The following LTN1 variants were observed in gnomAD, a reference collection of about 807,000 sequenced individuals.
The protein encoded by LTN1 is E3 ubiquitin-protein ligase listerin.
LTN1 carries 88 observed loss-of-function variants against 201.2 expected under a neutral mutation model. The ratio of observed to expected loss-of-function variants is 0.44; its 90% CI spans 0.37 to 0.52. The LOEUF (loss-of-function observed/expected upper bound fraction) is 0.52, where lower values mean the gene tolerates loss of function less well. Ranked by LOEUF, LTN1 falls within the 20% of genes least tolerant of loss-of-function variation. LTN1 has a pLI of 0.00. For synonymous variants in LTN1, 645 were observed against 713.5 expected, an observed-to-expected ratio of 0.90 and a Z score of 1.53; for missense variants, 1,752 against 2,038.7, an observed-to-expected ratio of 0.86 and a Z score of 2.71.
intron 4 of LTN1, among the ~76,000 whole-genome samples, chr21:28,982,828 A>G (rs1019782388): frequency 9.8e-5 from 15 of 152,386 alleles, no homozygotes; most frequent in Middle Eastern, 3.4e-3. Flanking sequence ...CCACTGTTCC[A>G]GTAACTGCTT....
chr21:28,971,102 T>C (rs965800240), intron 7 of LTN1, among the ~76,000 whole-genome samples, 169 bp downstream of exon 7: 13 of 152,220 alleles, frequency 8.5e-5, no homozygotes, highest in African/African-American at 3.1e-4. Context: ...GAATAATTAA[T>C]ACTGGCAAAA....
In LTN1 at chr21:28,930,774, G is replaced by A. The variant is rs993372778; in HGVS notation, c.5239-264C>T. Reference sequence around the variant, plus strand: ...TCTCCTGTGAAACAAATGAACAAATGGCAACTTCTTTTTCAGTATGTTTAA... The same window carrying A: ...TCTCCTGTGAAACAAATGAACAAATAGCAACTTCTTTTTCAGTATGTTTAA... On this transcript the variant is annotated intron_variant, in intron 29 of 29. Transcript: ENST00000361371. Among the ~76,000 whole-genome samples the A allele has an allele frequency of 3.9e-5, 6 of 152,112 alleles. No homozygotes were observed. In the South Asian group the frequency reaches 1.0e-3, roughly 26 times the overall value.
chr21:28,950,527 T>C (rs182907859), intron 18 of LTN1, among the ~76,000 whole-genome samples: 11 of 152,318 alleles, frequency 7.2e-5, no homozygotes, highest in African/African-American at 2.6e-4. Flanking sequence ...ATTTTTTGTC[T>C]TGTTTTGAGA....
At chr21:28,964,886 G>A in intron 11 of LTN1, 2 of 1,340,112 alleles carry the variant, frequency 1.5e-6, no homozygotes, top group Non-Finnish European at 1.9e-6. Flanking sequence ...TTGGCTACAG[G>A]GAGAGAAGGC....
rs185469355 is a variant in LTN1, at chr21:28,964,355, A to G, written c.2163+1510T>C. On this transcript the variant is annotated intron_variant, in intron 11 of 29. Coordinates refer to ENST00000361371, the MANE Select transcript of LTN1 (RefSeq NM_015565.3). ...CAGCAGCCATGAACATTGAGGCAAG[A>G]CTCTCCATCAGCAAAATGATTACAA... Among the ~76,000 whole-genome samples the G allele has an allele frequency of 5.3e-5, 8 of 152,294 alleles. No homozygotes were observed. In the East Asian group the frequency reaches 1.5e-3, roughly 29 times the overall value.
chr21:28,983,280 C>T (rs2084672722), intron 4 of LTN1, among the ~76,000 whole-genome samples: 2 of 152,278 alleles, frequency 1.3e-5, no homozygotes, highest in South Asian at 4.1e-4. Flanking sequence ...AAGCCAAGAA[C>T]AAATTTATTT....
At chr21:28,937,311 T>G (rs2084264446) in intron 25 of LTN1, among the ~76,000 whole-genome samples, 1 of 152,216 alleles carries the variant, frequency 6.6e-6, no homozygotes, top group Admixed American at 6.5e-5. Context: ...GTATCTGTAT[T>G]GGTTTTAAGA....
Position 28,948,667 on chromosome 21 carries a change from T to A in LTN1, c.3345-1061A>T, listed in dbSNP as rs560424390. On this transcript the variant is annotated intron_variant, in intron 18 of 29. Transcript: ENST00000361371. Reference sequence around the variant, plus strand: ...TGTTCTATCATTTACCACTTACATATACTTTCTGTCAGAACATATAAATTA... The same window carrying A: ...TGTTCTATCATTTACCACTTACATAAACTTTCTGTCAGAACATATAAATTA... Among the ~76,000 whole-genome samples, 10 of 152,300 alleles carry A rather than the reference T, an allele frequency of 6.6e-5. No homozygotes were observed. The South Asian group carries it at 2.1e-3, about 32-fold the overall frequency.
At chr21:28,932,160 C>T (rs2084215785) in intron 28 of LTN1, among the ~76,000 whole-genome samples, 1 of 152,188 alleles carries the variant, frequency 6.6e-6, no homozygotes, top group Non-Finnish European at 1.5e-5. Context: ...GTGAAAGTAG[C>T]TCAGAAGGCA....
rs150599543 is a variant in LTN1, at chr21:28,936,281, TAC to T, written c.4654+243_4654+244del. ...TGTTATCACGTAAGAAATATTTGTT[TAC>T]AGAGTCAAAAGTTAATAGTCTCACC... is the stretch of plus-strand genomic sequence containing the variant. On this transcript the variant is annotated intron_variant, in intron 26 of 29. Transcript: ENST00000361371. Among the ~76,000 whole-genome samples the T allele has an allele frequency of 9.9e-4, 151 of 152,358 alleles. 3 individuals carry two copies. The East Asian group carries it at 0.025, about 26-fold the overall frequency.
rs2146258755 is a variant in LTN1, at chr21:28,936,642, A to T, written c.4538T>A (p.Leu1513His). The T allele has an allele frequency of 1.2e-6, 2 of 1,613,872 alleles. No homozygotes were observed. Among genetic ancestry groups the T allele is most frequent in the Middle Eastern group, 1.7e-4 (1 of 6,060 alleles). Residue 1513 changes from leucine to histidine, a missense_variant, in exon 26 of 30, where the codon CTC becomes CAC. Coordinates refer to ENST00000361371, the MANE Select transcript of LTN1 (RefSeq NM_015565.3). ...LRKTKSLNKLLYHLFRLMPEN... is the reference protein window; with the variant it reads ...LRKTKSLNKLHYHLFRLMPEN... ...TGGCATAAGCCTGAACAGGTGATAG[A>T]GCAATTTATTCAAACTCTTTGTTTT...
chr21:28,952,308 A>T, intron 17 of LTN1, 44 bp from the exon 18 acceptor site: 1 of 1,202,394 alleles, frequency 8.3e-7, no homozygotes, highest in Non-Finnish European at 1.2e-6. Context: ...TTGAAAGCAT[A>T]CTGAATAAAA....
intron 25 of LTN1, among the ~76,000 whole-genome samples, chr21:28,938,712 T>C (rs910938153): frequency 1.3e-5 from 2 of 152,152 alleles, no homozygotes; most frequent in African/African-American, 4.8e-5. Flanking sequence ...CAAAATGTGA[T>C]AGATCTACAA....
intron 6 of LTN1, among the ~76,000 whole-genome samples, chr21:28,977,979 A>T (rs2084629755): frequency 6.6e-6 from 1 of 151,676 alleles, no homozygotes; most frequent in South Asian, 2.1e-4. Context: ...GCACTGGTAT[A>T]ACAAGAAACA....
At chr21:28,981,394 C>T (rs1043462218) in intron 5 of LTN1, 95 bp from the exon 6 acceptor site, 27 of 661,592 alleles carry the variant, frequency 4.1e-5, no homozygotes, top group Non-Finnish European at 5.6e-5. Flanking sequence ...CATTAAATAT[C>T]TACCAAAGTT....
chr21:28,951,674 T>G (rs2084383750), intron 18 of LTN1, among the ~76,000 whole-genome samples: 1 of 152,074 alleles, frequency 6.6e-6, no homozygotes, highest in African/African-American at 2.4e-5. Context: ...ACTATTTACT[T>G]TAAAAAAAAG....
chr21:28,953,293 G>T lies in LTN1; in HGVS notation c.3163C>A (p.Gln1055Lys), dbSNP rs139261302. Residue 1055 changes from glutamine (Q) to lysine (K), a missense_variant, in exon 17 of 30, where the codon CAA becomes AAA. This residue lies in a region of LTN1 where 1,211 missense variants were observed against 1,312.8 expected (regional missense o/e 0.92). Transcript: ENST00000361371. ...TTATCATACGTAATATTCATTTTTT[G>T]AAGTATTTCACAAAATCCAATTAGA... is the stretch of plus-strand genomic sequence containing the variant. ...IFLIGFCEIL[Q>K]KMNITYDNLR... 1.3e-4 allele frequency: 217 copies of T among 1,607,496 alleles called. 1 individual carries two copies. The highest frequency in any genetic ancestry group is 1.8e-4 in the Non-Finnish European group (207 of 1,177,952).
intron 9 of LTN1, chr21:28,967,510 G>A (rs1263293462): frequency 1.0e-5 from 2 of 197,440 alleles, no homozygotes; most frequent in African/African-American, 4.7e-5. Flanking sequence ...CAGCATTCAG[G>A]GAGCTTTCAG....
intron 9 of LTN1, chr21:28,967,628 T>C (rs1041494792): frequency 6.5e-6 from 1 of 153,978 alleles, no homozygotes; most frequent in African/African-American, 2.4e-5. Context: ...TTTGTATCCT[T>C]TGTAATATCA....
Sources: gnomAD v4.1 joint callset for allele counts (sites outside exome capture counted in the v4.1 genomes callset) on GRCh38, gnomAD v4.1.1 for gene constraint, gnomAD v4.1.1 regional missense constraint, MANE v1.5 for transcripts, NCBI Gene and HGNC (gene_info 2026-07-23, HGNC 2026-07-21) for gene names.